Variants in COX10 observed in about 807,000 individuals in gnomAD.
COX10 encodes protoheme IX farnesyltransferase, mitochondrial.
COX10 carries 27 observed loss-of-function variants against 37.3 expected under a neutral mutation model. The ratio of observed to expected loss-of-function variants is 0.72; its 90% confidence interval spans 0.53 to 1.00. The LOEUF is 1.00. COX10 is among the 50% of genes least tolerant of loss of function. COX10 has a pLI of 0.00. For missense variants in COX10, 475 were observed against 563.2 expected (o/e 0.84, Z 1.59); for synonymous variants, 222 against 229.1 (o/e 0.97, Z 0.28).
At chr17:14,157,787 G>A (rs1251784262) in intron 4 of COX10, among the ~76,000 whole-genome samples, 1 of 152,190 alleles carries the variant, frequency 6.6e-6, no homozygotes, top group African/African-American at 2.4e-5. Flanking sequence ...CTGCAGCAGT[G>A]CCCAGGAAGC....
At chr17:14,122,669 T>C (rs1446023237) in intron 4 of COX10, among the ~76,000 whole-genome samples, 1 of 152,186 alleles carries the variant, frequency 6.6e-6, no homozygotes, top group African/African-American at 2.4e-5. Flanking sequence ...CAGTTGGCGA[T>C]TGGTGCCAAG....
chr17:14,091,895 A>AG (rs1337097590), intron 3 of COX10, among the ~76,000 whole-genome samples: 1 of 134,174 alleles, frequency 7.5e-6, no homozygotes, highest in Non-Finnish European at 1.7e-5. Context: ...TCCAACTAAC[A>AG]ATTTTTTTGC....
intron 5 of COX10, among the ~76,000 whole-genome samples, chr17:14,160,201 A>T (rs1299561453): frequency 6.6e-6 from 1 of 152,114 alleles, no homozygotes; most frequent in Non-Finnish European, 1.5e-5. Flanking sequence ...TTTTAATTCC[A>T]CTTTGAAGCA....
intron 5 of COX10, among the ~76,000 whole-genome samples, chr17:14,187,920 T>C (rs1043684579): frequency 1.3e-5 from 2 of 152,144 alleles, no homozygotes; most frequent in African/African-American, 4.8e-5. Flanking sequence ...AACACCAAAA[T>C]TGAGCCACAT....
At chr17:14,120,401 C>A (rs1486616031) in intron 4 of COX10, among the ~76,000 whole-genome samples, 1 of 152,148 alleles carries the variant, frequency 6.6e-6, no homozygotes, top group Non-Finnish European at 1.5e-5. Context: ...CATAATTGAA[C>A]AGCATATGGA....
At chr17:14,150,130 G>A (rs1277269041) in intron 4 of COX10, among the ~76,000 whole-genome samples, 4 of 152,016 alleles carry the variant, frequency 2.6e-5, no homozygotes, top group East Asian at 1.9e-4. Context: ...AAACTTAGCC[G>A]GGTTTGGTGG....
chr17:14,148,838 GT>G (rs1904805562), intron 4 of COX10, among the ~76,000 whole-genome samples: 2 of 151,314 alleles, frequency 1.3e-5, no homozygotes, highest in Non-Finnish European at 2.9e-5. Flanking sequence ...TATATTGTCT[GT>G]TAGGAAGATT....
At chr17:14,086,824 A>T (rs1025776206) in intron 3 of COX10, among the ~76,000 whole-genome samples, 1 of 151,930 alleles carries the variant, frequency 6.6e-6, no homozygotes, top group Non-Finnish European at 1.5e-5. Context: ...TTTTTTAGAG[A>T]TTGATAGTAT....
rs1481906973 is a variant in COX10 at position 14,077,034 on chromosome 17, A to C, written c.477A>C (p.Arg159=). The C allele has an allele frequency of 6.2e-7, 1 of 1,614,010 alleles. No homozygotes were observed. Among genetic ancestry groups the C allele is most frequent in the Non-Finnish European group, 8.5e-7 (1 of 1,180,004 alleles). ...ATGATTTGCCAGGAATTTTGGCTCG[A>C]CTATCCAAAATCAAACTCACAGGTA... is the stretch of plus-strand genomic sequence containing the variant. ...QVYDLPGILA[R]LSKIKLTALV... Residue 159 remains arginine, a synonymous_variant, in exon 3 of 7, where the codon CGA becomes CGC. Transcript: ENST00000261643.
At chr17:14,086,952 C>G (rs942616820) in intron 3 of COX10, among the ~76,000 whole-genome samples, 13 of 152,126 alleles carry the variant, frequency 8.5e-5, no homozygotes, top group African/African-American at 2.9e-4. Context: ...TGATTTTGTT[C>G]CATCTATTTA....
chr17:14,165,484 G>A (rs187455382), intron 5 of COX10, among the ~76,000 whole-genome samples: 4 of 152,276 alleles, frequency 2.6e-5, no homozygotes, highest in Admixed American at 1.3e-4. Context: ...AAACTTAATC[G>A]ATAAGTGGTT....
chr17:14,088,026 T>G (rs1015638355), intron 3 of COX10, among the ~76,000 whole-genome samples: 11 of 152,180 alleles, frequency 7.2e-5, no homozygotes, highest in African/African-American at 2.4e-4. Flanking sequence ...TAAGCTCTCC[T>G]GCACTGTGGT....
At chr17:14,190,247 G>A (rs148936108) in intron 5 of COX10, among the ~76,000 whole-genome samples, 2,267 of 152,318 alleles carry the variant, frequency 0.015, 26 homozygotes, top group Non-Finnish European at 0.025. Flanking sequence ...CCCTTGAAAT[G>A]GGGCCAGTTA....
intron 5 of COX10, among the ~76,000 whole-genome samples, chr17:14,172,498 T>G (rs1394028102): frequency 2.6e-5 from 4 of 152,158 alleles, no homozygotes; most frequent in African/African-American, 9.7e-5. Flanking sequence ...GTTTTAATTT[T>G]CATTCCTCTG....
chr17:14,072,197 AAT>A (rs1309366821), intron 1 of COX10, among the ~76,000 whole-genome samples: 2 of 152,056 alleles, frequency 1.3e-5, no homozygotes, highest in African/African-American at 4.8e-5. Flanking sequence ...CATTCTGTAA[AAT>A]CTCAGTTTGA....
chr17:14,122,483 C>T (rs534122919), intron 4 of COX10, among the ~76,000 whole-genome samples: 1 of 152,214 alleles, frequency 6.6e-6, no homozygotes, highest in East Asian at 1.9e-4. Context: ...TAGAGGAAAC[C>T]AAGGGACATT....
intron 6 of COX10, among the ~76,000 whole-genome samples, chr17:14,203,515 T>TTTCTCCCCAGAACAATGTGCATTA (rs1567614307): frequency 2.0e-5 from 3 of 152,150 alleles, no homozygotes; most frequent in Non-Finnish European, 4.4e-5. Context: ...AATGATTAAG[T>TTTCTCCCCAGAACAATGTGCATTA]TTCTCCCCAG....
At chr17:14,123,991 T>C (rs1916281699) in intron 4 of COX10, among the ~76,000 whole-genome samples, 1 of 152,200 alleles carries the variant, frequency 6.6e-6, no homozygotes, top group African/African-American at 2.4e-5. Context: ...TAGGCTTGCC[T>C]TTTGTTACTT....
intron 4 of COX10, among the ~76,000 whole-genome samples, chr17:14,102,569 C>T (rs1415418246): frequency 6.6e-6 from 1 of 152,076 alleles, no homozygotes; most frequent in Non-Finnish European, 1.5e-5. Flanking sequence ...TTTCCCTGAG[C>T]TTGTCATTGT....
Sources: gnomAD v4.1 joint callset for allele counts (sites outside exome capture counted in the v4.1 genomes callset) on GRCh38, gnomAD v4.1.1 for gene constraint, MANE v1.5 for transcripts, NCBI Gene and HGNC (gene_info 2026-07-23, HGNC 2026-07-21) for gene names.